The following KATNA1 variants were observed in gnomAD, a reference collection of about 807,000 sequenced individuals.
KATNA1 encodes katanin catalytic subunit A1.
Under a neutral mutation model 62.6 loss-of-function variants are expected in KATNA1, and 42 were observed. That is an observed-to-expected ratio of 0.67 (90% CI 0.52 to 0.87). KATNA1 has a LOEUF of 0.87. Among genes scored for constraint, KATNA1 ranks in the 40% least tolerant of loss-of-function variants. The pLI is 0.00. For synonymous variants in KATNA1, 186 were observed against 201.9 expected, an observed-to-expected ratio of 0.92 and a Z score of 0.67; for missense variants, 498 against 612.5, an observed-to-expected ratio of 0.81 and a Z score of 1.97.
Position 149,617,939 on chromosome 6 carries a change from A to AAAATAAAT in KATNA1, c.501+5156_501+5163dup, listed in dbSNP as rs1333260724. Among the ~76,000 whole-genome samples the AAAATAAAT allele has an allele frequency of 2.9e-3, 390 of 133,556 alleles. 1 individual carries two copies. The highest frequency in any genetic ancestry group is 0.015 in the Middle Eastern group (4 of 272). The allele number at this position is 133,556 out of a possible 152,430, so 87.6% of individuals were successfully genotyped here. On this transcript the variant is annotated intron_variant, in intron 4 of 10. Transcript: ENST00000367411. ...TGACAGAGTGAAACTCTTGTCTCCA[A>AAAATAAAT]AAATAAATAAATAAATAAATAAATA...
chr6:149,624,646 C>T (rs542522801), intron 3 of KATNA1, among the ~76,000 whole-genome samples: 19 of 152,196 alleles, frequency 1.2e-4, no homozygotes, highest in African/African-American at 3.4e-4. Context: ...TCCCAAAGAG[C>T]TGGGACTACA....
At chr6:149,617,495 CAT>C (rs1467259561) in intron 4 of KATNA1, among the ~76,000 whole-genome samples, 1 of 152,180 alleles carries the variant, frequency 6.6e-6, no homozygotes, top group Non-Finnish European at 1.5e-5. Context: ...ATATATATGA[CAT>C]GTGCTAAAAA....
chr6:149,598,443 G>T, intron 7 of KATNA1, 93 bp from the exon 8 acceptor site: 1 of 1,303,924 alleles, frequency 7.7e-7, no homozygotes, highest in Non-Finnish European at 1.1e-6. Flanking sequence ...AGCTGAGGGA[G>T]GCTGGGCACA....
chr6:149,609,370 G>GAAA (rs532188676), intron 4 of KATNA1, among the ~76,000 whole-genome samples: 4,043 of 145,590 alleles, frequency 0.028, 159 homozygotes, highest in African/African-American at 0.095. Context: ...ATTTTTTAAG[G>GAAA]AAAAAAAAAA....
chr6:149,615,132 C>CAAAAAAAAAAAAAAAA (rs893824279), intron 4 of KATNA1, among the ~76,000 whole-genome samples: 1 of 45,644 alleles, frequency 2.2e-5, no homozygotes, highest in African/African-American at 8.1e-5. Context: ...GACTCTGTCT[C>CAAAAAAAAAAAAAAAA]AAAAAAAAAA....
chr6:149,630,392 G>C (rs1039684327), intron 3 of KATNA1, among the ~76,000 whole-genome samples: 2 of 152,244 alleles, frequency 1.3e-5, no homozygotes, highest in African/African-American at 4.8e-5. Context: ...ATTTTGGGAG[G>C]CCAAGGCGAG....
At chr6:149,616,232 C>A (rs546162019) in intron 4 of KATNA1, among the ~76,000 whole-genome samples, 4 of 152,122 alleles carry the variant, frequency 2.6e-5, no homozygotes, top group African/African-American at 9.7e-5. Context: ...ATGTTATGTG[C>A]ATTTTACTAT....
At chr6:149,618,027 T>C (rs1400142033) in intron 4 of KATNA1, among the ~76,000 whole-genome samples, 1 of 146,800 alleles carries the variant, frequency 6.8e-6, no homozygotes, top group Non-Finnish European at 1.5e-5. Context: ...TGGTGGCACA[T>C]GCCTGTAGTC....
chr6:149,637,166 C>T (rs1025161393), intron 2 of KATNA1, among the ~76,000 whole-genome samples: 1 of 152,058 alleles, frequency 6.6e-6, no homozygotes, highest in Admixed American at 6.5e-5. Context: ...AATCCCAGCA[C>T]TTAGGGAGGC....
intron 3 of KATNA1, among the ~76,000 whole-genome samples, chr6:149,626,480 G>C (rs553514746): frequency 6.8e-5 from 10 of 147,206 alleles, no homozygotes; most frequent in Non-Finnish European, 1.3e-4. Context: ...ATTTTTAGTA[G>C]AGACGGGGTT....
intron 5 of KATNA1, among the ~76,000 whole-genome samples, chr6:149,604,218 T>C (rs1403348045): frequency 1.3e-5 from 2 of 152,184 alleles, no homozygotes; most frequent in African/African-American, 4.8e-5. Context: ...ATGACTGTAA[T>C]CCTAGCACTT....
At chr6:149,623,482 A>G (rs1169600402) in intron 3 of KATNA1, among the ~76,000 whole-genome samples, 199 bp from the exon 4 acceptor site, 4 of 152,160 alleles carry the variant, frequency 2.6e-5, no homozygotes, top group Non-Finnish European at 5.9e-5. Context: ...CACACCTGCA[A>G]CCCTAGCATT....
chr6:149,636,490 G>A (rs1780068338), intron 2 of KATNA1, among the ~76,000 whole-genome samples: 1 of 152,052 alleles, frequency 6.6e-6, no homozygotes, highest in Non-Finnish European at 1.5e-5. Context: ...AGGATATGGA[G>A]GGACAGATAT....
At chr6:149,602,838 C>T (rs1778601746) in intron 6 of KATNA1, among the ~76,000 whole-genome samples, 2 of 151,970 alleles carry the variant, frequency 1.3e-5, no homozygotes, top group Non-Finnish European at 2.9e-5. Flanking sequence ...TCTCCTGCCT[C>T]AGCCTCCCGG....
chr6:149,607,317 T>G (rs1562283581), intron 4 of KATNA1, among the ~76,000 whole-genome samples: 1 of 152,220 alleles, frequency 6.6e-6, no homozygotes, highest in Non-Finnish European at 1.5e-5. Context: ...TATACATCTA[T>G]CTAATAATTT....
In KATNA1 at chr6:149,610,501, G is replaced by A. The variant is rs151236967; in HGVS notation, c.502-5719C>T. 7.9e-4 allele frequency among the ~76,000 whole-genome samples: 120 copies of A among 152,106 alleles called. 1 individual carries two copies. The highest frequency in any genetic ancestry group is 2.7e-3 in the African/African-American group (114 of 41,490). ...TTTAAAAAAATTGAAATTATATGAA[G>A]TATATTCTCAAAGCACAAAAGATTC... On this transcript the variant is annotated intron_variant, in intron 4 of 10. Coordinates refer to ENST00000367411, the MANE Select transcript of KATNA1 (RefSeq NM_007044.4).
chr6:149,605,570 C>T (rs1358373549), intron 4 of KATNA1, among the ~76,000 whole-genome samples: 1 of 152,082 alleles, frequency 6.6e-6, no homozygotes, highest in Non-Finnish European at 1.5e-5. Flanking sequence ...TGATGACAGT[C>T]ATTAGGGCCA....
At chr6:149,600,563 G>A (rs996000502) in intron 7 of KATNA1, among the ~76,000 whole-genome samples, 85 of 152,040 alleles carry the variant, frequency 5.6e-4, no homozygotes, top group African/African-American at 1.9e-3. Context: ...AGGCTAGGAG[G>A]TGAAGGCTGC....
At chr6:149,615,523 G>A (rs1388416707) in intron 4 of KATNA1, among the ~76,000 whole-genome samples, 2 of 151,922 alleles carry the variant, frequency 1.3e-5, no homozygotes, top group Non-Finnish European at 2.9e-5. Context: ...GAAAATTAAG[G>A]AAAAAGACAG....
Sources: gnomAD v4.1 joint callset for allele counts (sites outside exome capture counted in the v4.1 genomes callset) on GRCh38, gnomAD v4.1.1 for gene constraint, MANE v1.5 for transcripts, NCBI Gene and HGNC (gene_info 2026-07-23, HGNC 2026-07-21) for gene names.